The following PLEKHG4B variants were observed in gnomAD, a reference collection of about 807,000 sequenced individuals.
The protein encoded by PLEKHG4B is pleckstrin homology domain-containing family G member 4B.
In PLEKHG4B, 111 loss-of-function variants were observed where a neutral mutation model predicts 121.3. That is an observed-to-expected ratio of 0.92 (90% CI 0.78 to 1.07). The LOEUF (loss-of-function observed/expected upper bound fraction) is 1.07, where lower values mean the gene tolerates loss of function less well. Ranked by LOEUF, PLEKHG4B falls within the 50% of genes least tolerant of loss-of-function variation. The pLI, the probability that PLEKHG4B is intolerant of heterozygous loss-of-function variation, is 0.00. For missense variants in PLEKHG4B, 1,831 were observed against 1,757.8 expected (o/e 1.04, Z -0.74); for synonymous variants, 738 against 725.0 (o/e 1.02, Z -0.29).
At position 140,568 on chromosome 5, in the gene PLEKHG4B, A is replaced by T. The variant is rs779728923; in HGVS notation, c.1329A>T (p.Ala443=). The T allele has an allele frequency of 1.2e-6, 2 of 1,608,120 alleles. No individual in the cohort carries two copies. Among genetic ancestry groups the T allele is most frequent in the East Asian group, 4.5e-5 (2 of 44,708 alleles). Residue 443 remains alanine, a synonymous_variant, in exon 3 of 20, where the codon GCA becomes GCT. Coordinates refer to ENST00000637938, the MANE Select transcript of PLEKHG4B (RefSeq NM_052909.5). ...LPRRSRSWER[A]PRSSRGAQAA... is the part of the protein sequence containing the mutation. ...GGAGATCTCGGTCCTGGGAAAGGGC[A>T]CCCAGAAGCTCCAGAGGGGCCCAGG...
chr5:155,017 C>A, intron 8 of PLEKHG4B, 26 bp downstream of exon 8: 1 of 1,557,624 alleles, frequency 6.4e-7, no homozygotes, highest in Non-Finnish European at 8.8e-7. Context: ...AGCTGCTGCA[C>A]ATGCGACAGT....
intron 1 of PLEKHG4B, among the ~76,000 whole-genome samples, chr5:97,586 G>T (rs181102202): frequency 6.6e-6 from 1 of 152,226 alleles, no homozygotes; most frequent in Non-Finnish European, 1.5e-5. Flanking sequence ...CACTTAGCAC[G>T]ACGTTTGTGA....
chr5:99,208 ATATATT>A (rs1165098246), intron 1 of PLEKHG4B, among the ~76,000 whole-genome samples: 6 of 86,528 alleles, frequency 6.9e-5, no homozygotes, highest in South Asian at 4.1e-4. Flanking sequence ...ATATATATAT[ATATATT>A]TTGCGATTTT....
rs773693972 is a variant in PLEKHG4B at position 157,221 on chromosome 5, G to A, written c.2487+310G>A. ...GAATAGCTGGGTGTATCTTCCGGAC[G>A]CTTTCTCCATGTGCATGCGTACACA... On this transcript the variant is annotated intron_variant, in intron 11 of 19. Coordinates refer to ENST00000637938, the MANE Select transcript of PLEKHG4B (RefSeq NM_052909.5). The surrounding 1 kb of genome is among the most constrained non-coding windows in gnomAD (Gnocchi z 4.6). 4.1e-4 allele frequency: 163 copies of A among 396,448 alleles called. No individual in the cohort carries two copies. Among genetic ancestry groups the A allele is most frequent in the Admixed American group, 8.3e-4 (23 of 27,608 alleles). 24.6% of individuals were successfully genotyped at this position (396,448 alleles called of 1,614,324 possible).
chr5:98,646 T>TGTGTGTGTG (rs1733700988), intron 1 of PLEKHG4B, among the ~76,000 whole-genome samples: 2 of 138,530 alleles, frequency 1.4e-5, no homozygotes, highest in African/African-American at 5.4e-5. Flanking sequence ...TGTGTGTGTG[T>TGTGTGTGTG]TAGTTTTAGT....
intron 2 of PLEKHG4B, among the ~76,000 whole-genome samples, chr5:121,817 G>A (rs1172020375): frequency 1.3e-5 from 2 of 151,942 alleles, no homozygotes; most frequent in African/African-American, 4.8e-5. Context: ...GTTAATAAAA[G>A]AGTAGACCAG....
chr5:181,374 C>G, intron 18 of PLEKHG4B, 140 bp from the exon 19 acceptor site: 1 of 848,076 alleles, frequency 1.2e-6, no homozygotes, highest in South Asian at 1.9e-5. Flanking sequence ...CCTGGCCCCC[C>G]ATGCCCCTCG....
chr5:161,715 A>C, intron 11 of PLEKHG4B, 68 bp from the exon 12 acceptor site: 1 of 1,608,406 alleles, frequency 6.2e-7, no homozygotes, highest in Non-Finnish European at 8.5e-7. Context: ...ACGCAGACCC[A>C]GCCCACACCT....
intron 11 of PLEKHG4B, among the ~76,000 whole-genome samples, chr5:160,721 A>G (rs992392356): frequency 2.6e-5 from 4 of 152,126 alleles, no homozygotes; most frequent in African/African-American, 9.7e-5. Flanking sequence ...AGTGTATTTC[A>G]TCATAGAACC....
At chr5:136,198 A>C (rs1230282621) in intron 2 of PLEKHG4B, among the ~76,000 whole-genome samples, 1 of 152,226 alleles carries the variant, frequency 6.6e-6, no homozygotes, top group Admixed American at 6.5e-5. Context: ...CTAAATGTCA[A>C]AACTAAAATT....
intron 1 of PLEKHG4B, among the ~76,000 whole-genome samples, chr5:112,364 T>C (rs1579246604): frequency 6.6e-6 from 1 of 152,258 alleles, no homozygotes; most frequent in East Asian, 1.9e-4. Flanking sequence ...TAGGAAATTA[T>C]CTGTGTGATT....
intron 6 of PLEKHG4B, among the ~76,000 whole-genome samples, chr5:148,315 C>A: frequency 7.0e-6 from 1 of 141,950 alleles, no homozygotes; most frequent in Non-Finnish European, 1.5e-5. Flanking sequence ...ATGATGTGAT[C>A]TTATATGCAG....
At chr5:152,570 G>T (rs1264154714) in intron 7 of PLEKHG4B, among the ~76,000 whole-genome samples, 3 of 151,938 alleles carry the variant, frequency 2.0e-5, no homozygotes, top group Admixed American at 2.0e-4. Context: ...CTTCAATTGC[G>T]TATACCAGTA....
At chr5:109,420 A>ATAT (rs1302271929) in intron 1 of PLEKHG4B, among the ~76,000 whole-genome samples, 26 of 148,756 alleles carry the variant, frequency 1.7e-4, no homozygotes, top group Non-Finnish European at 2.5e-4. Flanking sequence ...AAAAAAAAAA[A>ATAT]ATCCAGCCAG....
intron 6 of PLEKHG4B, among the ~76,000 whole-genome samples, chr5:145,685 A>G (rs901312083): frequency 1.3e-5 from 2 of 152,128 alleles, no homozygotes; most frequent in Non-Finnish European, 2.9e-5. Flanking sequence ...AACCATAAGC[A>G]ACATCCAGAG....
At chr5:93,482 C>G (rs1258301661) in intron 1 of PLEKHG4B, among the ~76,000 whole-genome samples, 1 of 150,712 alleles carries the variant, frequency 6.6e-6, no homozygotes, top group Admixed American at 6.6e-5. Flanking sequence ...TGGTGACCCC[C>G]CCACCGAGAA....
At chr5:97,800 T>C (rs1249586135) in intron 1 of PLEKHG4B, among the ~76,000 whole-genome samples, 1 of 152,140 alleles carries the variant, frequency 6.6e-6, no homozygotes, top group African/African-American at 2.4e-5. Context: ...CTTGCAGATA[T>C]ACCTCAGAAT....
At position 113,462 on chromosome 5, in the gene PLEKHG4B, T is replaced by C. The variant is rs10073501; in HGVS notation, c.243+14T>C. 0.14 allele frequency: 57,828 copies of C among 398,970 alleles called. 5,920 individuals carry two copies. The highest frequency in any genetic ancestry group is 0.37 in the African/African-American group (17,895 of 48,658). 24.7% of individuals were successfully genotyped at this position (398,970 alleles called of 1,614,324 possible). A position where few individuals can be genotyped will look rare whatever the true frequency, so the allele number is the denominator to read the frequency against. On this transcript the variant is annotated intron_variant, in intron 2 of 19. Transcript: ENST00000637938. The surrounding 1 kb of genome is among the most constrained non-coding windows in gnomAD (Gnocchi z 5.2). ...CAGGAAGCCTGTGTGAGTACCTCCC[T>C]TGTAGCTCTGAGACCGTGGCCAACC... is the stretch of plus-strand genomic sequence containing the variant.
chr5:157,477 G>A lies in PLEKHG4B; in HGVS notation c.2487+566G>A, dbSNP rs1331181791. On this transcript the variant is annotated intron_variant, in intron 11 of 19. Coordinates refer to ENST00000637938, the MANE Select transcript of PLEKHG4B (RefSeq NM_052909.5). This position sits in a 1 kb window ranked among gnomAD's most constrained non-coding sequence, Gnocchi z 4.6. Reference sequence around the variant, plus strand: ...TGGCATTGGTGGGGGTTGGCCACACGCTGCTGGACTACAGGGTGTGAGTTG... The same window carrying A: ...TGGCATTGGTGGGGGTTGGCCACACACTGCTGGACTACAGGGTGTGAGTTG... Among the ~76,000 whole-genome samples, 1 of 152,168 alleles carries A rather than the reference G, an allele frequency of 6.6e-6. No individual in the cohort carries two copies. Among genetic ancestry groups the A allele is most frequent in the Admixed American group, 6.5e-5 (1 of 15,282 alleles).
Sources: gnomAD v4.1 joint callset for allele counts (sites outside exome capture counted in the v4.1 genomes callset) on GRCh38, gnomAD v4.1.1 for gene constraint, Gnocchi (gnomAD v3.1) non-coding constraint, MANE v1.5 for transcripts, NCBI Gene and HGNC (gene_info 2026-07-23, HGNC 2026-07-21) for gene names.